The following AKAP13 variants were observed in gnomAD, a reference collection of about 807,000 sequenced individuals.
AKAP13 encodes the protein A-kinase anchoring protein 13.
Under a neutral mutation model 264.5 loss-of-function variants are expected in AKAP13, and 80 were observed. The ratio of observed to expected loss-of-function variants is 0.30; its 90% CI spans 0.25 to 0.36. AKAP13 has a LOEUF of 0.36. Ranked by LOEUF, AKAP13 falls within the 10% of genes least tolerant of loss-of-function variation. AKAP13 has a pLI of 1.00. For synonymous variants in AKAP13, 1,380 were observed against 1,250.2 expected (o/e 1.10, Z -2.19); for missense variants, 3,712 against 3,435.2 (o/e 1.08, Z -2.01).
At chr15:85,529,281 C>T (rs1384184967) in intron 3 of AKAP13, among the ~76,000 whole-genome samples, 1 of 152,248 alleles carries the variant, frequency 6.6e-6, no homozygotes, top group Middle Eastern at 3.4e-3. Flanking sequence ...ATTAGCGGGG[C>T]ATGGTGGCGG....
rs1160461037 is a variant in AKAP13, at chr15:85,399,520, A to T, written c.-12+18722A>T. The stretch of plus-strand genomic sequence containing the variant: ...TCCGTCTCAAAAAAAAAAAAAAAAA[A>T]AATAAAAAAATAAAAAAATAAATAA... On this transcript the variant is annotated intron_variant, in intron 1 of 36. Transcript: ENST00000394518. 3.9e-3 allele frequency among the ~76,000 whole-genome samples: 459 copies of T among 117,512 alleles called. 9 individuals carry two copies. Among genetic ancestry groups the T allele is most frequent in the African/African-American group, 0.016 (429 of 26,164 alleles). The allele number at this position is 117,512 out of a possible 152,430, so 77.1% of individuals were successfully genotyped here. A position where few individuals can be genotyped will look rare whatever the true frequency, so the allele number is the denominator to read the frequency against.
At chr15:85,656,240 CATCT>C (rs1188259885) in intron 11 of AKAP13, among the ~76,000 whole-genome samples, 7 of 152,112 alleles carry the variant, frequency 4.6e-5, no homozygotes, top group Non-Finnish European at 1.0e-4. Context: ...GAATTAAAAC[CATCT>C]GTTTCTAATA....
At chr15:85,498,222 A>G (rs915463839) in intron 2 of AKAP13, among the ~76,000 whole-genome samples, 2 of 112,124 alleles carry the variant, frequency 1.8e-5, no homozygotes, top group Admixed American at 1.8e-4. Flanking sequence ...ATATATATAT[A>G]TATATCACAT....
At chr15:85,686,440 A>G (rs1005396706) in intron 16 of AKAP13, among the ~76,000 whole-genome samples, 1 of 152,192 alleles carries the variant, frequency 6.6e-6, no homozygotes, top group Non-Finnish European at 1.5e-5. Context: ...ATACATTCAA[A>G]GAAATTTTTC....
intron 5 of AKAP13, among the ~76,000 whole-genome samples, chr15:85,562,577 AT>A (rs60794895): frequency 0.41 from 27,666 of 68,220 alleles, 4,888 homozygotes; most frequent in South Asian, 0.46. Flanking sequence ...AAAAAAAAAT[AT>A]ATATATATAT....
intron 17 of AKAP13, among the ~76,000 whole-genome samples, chr15:85,699,777 G>T (rs35211806): frequency 6.6e-6 from 1 of 152,218 alleles, no homozygotes; most frequent in Non-Finnish European, 1.5e-5. Flanking sequence ...TATAAGCCTT[G>T]AGGAGAGTTG....
At chr15:85,529,941 A>G (rs1040144413) in intron 3 of AKAP13, among the ~76,000 whole-genome samples, 7 of 152,110 alleles carry the variant, frequency 4.6e-5, no homozygotes, top group African/African-American at 1.4e-4. Context: ...TCTTCTTCAG[A>G]TTTTGAATTC....
chr15:85,707,682 C>T (rs2086378350), intron 17 of AKAP13, among the ~76,000 whole-genome samples: 2 of 152,090 alleles, frequency 1.3e-5, no homozygotes, highest in Admixed American at 1.3e-4. Flanking sequence ...GATTAGAAAT[C>T]ACATCTGTTG....
intron 14 of AKAP13, among the ~76,000 whole-genome samples, chr15:85,680,928 C>T (rs1260284302): frequency 2.0e-5 from 3 of 152,180 alleles, no homozygotes; most frequent in African/African-American, 7.2e-5. Context: ...AGCAATTCTC[C>T]TGCCTCAGCC....
intron 5 of AKAP13, among the ~76,000 whole-genome samples, chr15:85,551,176 C>T (rs971360347): frequency 3.9e-5 from 6 of 152,022 alleles, no homozygotes; most frequent in African/African-American, 1.5e-4. Context: ...TTTTTTTCCC[C>T]CTAAGTTTTC....
rs371691695 is a variant in AKAP13, at chr15:85,579,034, G to A, written c.966G>A (p.Pro322=). 311 of 1,614,082 alleles carry A rather than the reference G, an allele frequency of 1.9e-4. No individual in the cohort carries two copies. The highest frequency in any genetic ancestry group is 2.5e-4 in the African/African-American group (19 of 75,018). The change falls in exon 7 of 37, where the codon CCG becomes CCA. Residue 322 remains proline (P), a synonymous_variant. Transcript: ENST00000394518. ...ETDGQFLPCA[P]EPTDPQRLSS... ...ATGGCCAGTTTCTTCCCTGTGCACC[G>A]GAGCCCACGGACCCTCAGCGACTTT... is the stretch of plus-strand genomic sequence containing the variant.
chr15:85,382,188 ATTG>A (rs1397748944), intron 1 of AKAP13: 2 of 152,204 alleles, frequency 1.3e-5, no homozygotes, highest in Admixed American at 6.5e-5. Context: ...AGTGTCATTT[ATTG>A]TTAACTTCAG....
chr15:85,655,963 A>G (rs1204381344), intron 11 of AKAP13, among the ~76,000 whole-genome samples, 176 bp downstream of exon 11: 2 of 152,242 alleles, frequency 1.3e-5, no homozygotes, highest in Non-Finnish European at 2.9e-5. Context: ...TTTACTATGT[A>G]GATGACCTTG....
chr15:85,633,780 G>A (rs1305502878), intron 8 of AKAP13, among the ~76,000 whole-genome samples: 3 of 151,672 alleles, frequency 2.0e-5, no homozygotes, highest in African/African-American at 7.3e-5. Context: ...TCCTGACCTC[G>A]TGATCTGCCC....
At chr15:85,441,201 A>C (rs992369365) in intron 1 of AKAP13, among the ~76,000 whole-genome samples, 1 of 150,732 alleles carries the variant, frequency 6.6e-6, no homozygotes, top group Non-Finnish European at 1.5e-5. Context: ...TGGTATTTTT[A>C]ATCTTTTTTT....
At position 85,543,919 on chromosome 15, in the gene AKAP13, A is replaced by T. The variant is rs142926458; in HGVS notation, c.626A>T (p.Glu209Val). Residue 209 changes from glutamate to valine, a missense_variant, in exon 5 of 37, where the codon GAG becomes GTG. Physicochemically the swap from Glu to Val is moderately radical, Grantham distance 121 (BLOSUM62 -2). This residue lies in a region of AKAP13 where 2,759 missense variants were observed against 2,411.7 expected (regional missense o/e 1.14). Transcript: ENST00000394518. ...EGATPVSLAL[E>V]RGYHKLHQLL... ...GCGACGCCTGTGAGCTTGGCCTTGG[A>T]GCGAGGCTATCACAAGCTGCACCAG... is the stretch of plus-strand genomic sequence containing the variant. The T allele has an allele frequency of 5.2e-5, 84 of 1,613,646 alleles. No individual in the cohort carries two copies. Among genetic ancestry groups the T allele is most frequent in the Non-Finnish European group, 7.0e-5 (82 of 1,179,776 alleles).
chr15:85,585,877 C>T, intron 8 of AKAP13, 54 bp downstream of exon 8: 1 of 1,591,548 alleles, frequency 6.3e-7, no homozygotes, highest in Non-Finnish European at 8.6e-7. Flanking sequence ...TCCTGTTCTG[C>T]TGTGTCTTAT....
In AKAP13 at chr15:85,435,896, A is replaced by C. The variant is rs879481059; in HGVS notation, c.-11-49814A>C. Reference sequence around the variant, plus strand: ...TGTAAAGACCATCGAGACTAGGAAGAAACTGCATCAACTAACGAGCAAAAT... The same window carrying C: ...TGTAAAGACCATCGAGACTAGGAAGCAACTGCATCAACTAACGAGCAAAAT... On this transcript the variant is annotated intron_variant, in intron 1 of 36. Transcript: ENST00000394518. Among the ~76,000 whole-genome samples, 1,174 of 144,800 alleles carry C rather than the reference A, an allele frequency of 8.1e-3. 10 individuals carry two copies. The highest frequency in any genetic ancestry group is 0.014 in the Admixed American group (204 of 14,358). 95.0% of individuals were successfully genotyped at this position (144,800 alleles called of 152,430 possible).
rs1445474550 is a variant in AKAP13, at chr15:85,718,989, C to T, written c.6002-87C>T. On this transcript the variant is annotated intron_variant, in intron 22 of 36. Transcript: ENST00000394518. This position sits in a 1 kb window ranked among gnomAD's most constrained non-coding sequence, Gnocchi z 4.9. ...TTTAAGGTTCAAATTGGGCTCTAAA[C>T]TAGCTTTGGGACTGCAGCAGATGAT... is the stretch of plus-strand genomic sequence containing the variant. The T allele has an allele frequency of 1.3e-6, 2 of 1,549,942 alleles. No homozygotes were observed. Among genetic ancestry groups the T allele is most frequent in the Non-Finnish European group, 1.7e-6 (2 of 1,147,692 alleles).
Sources: allele counts gnomAD v4.1 joint callset (sites outside exome capture counted in the v4.1 genomes callset), GRCh38; gene constraint gnomAD v4.1.1; regional missense constraint gnomAD v4.1.1; non-coding constraint Gnocchi (gnomAD v3.1); transcripts MANE v1.5; gene names NCBI Gene and HGNC (gene_info 2026-07-23, HGNC 2026-07-21).